Variants in C8orf34 observed in about 807,000 individuals in gnomAD.
C8orf34 encodes chromosome 8 open reading frame 34.
In C8orf34, 65 loss-of-function variants were observed where a neutral mutation model predicts 68.3. The observed-to-expected ratio is 0.95, with a 90% confidence interval of 0.78 to 1.17. The LOEUF is 1.17. C8orf34 is among the 50% of genes most tolerant of loss of function. The pLI is 0.00. For missense variants in C8orf34, 664 were observed against 655.4 expected, an observed-to-expected ratio of 1.01 and a Z score of -0.14; for synonymous variants, 244 against 241.2, an observed-to-expected ratio of 1.01 and a Z score of -0.11.
At chr8:68,752,448 T>A (rs886713047) in intron 10 of C8orf34, among the ~76,000 whole-genome samples, 3 of 152,106 alleles carry the variant, frequency 2.0e-5, no homozygotes, top group Non-Finnish European at 4.4e-5. Flanking sequence ...TTCCCCAACT[T>A]TATACAATGA....
At chr8:68,455,687 A>G (rs2129628049) in intron 3 of C8orf34, among the ~76,000 whole-genome samples, 1 of 152,170 alleles carries the variant, frequency 6.6e-6, no homozygotes, top group East Asian at 1.9e-4. Context: ...TAAAAAAACT[A>G]TTGACTCAAT....
At chr8:68,432,572 T>C (rs1392082421) in intron 1 of C8orf34, among the ~76,000 whole-genome samples, 4 of 152,166 alleles carry the variant, frequency 2.6e-5, no homozygotes, top group African/African-American at 7.2e-5. Flanking sequence ...CCTCCAGTAG[T>C]GCTCAATAAA....
chr8:68,347,087 A>T (rs1483133159), intron 1 of C8orf34, among the ~76,000 whole-genome samples: 1 of 151,982 alleles, frequency 6.6e-6, no homozygotes, highest in Non-Finnish European at 1.5e-5. Context: ...CCCAACAGTT[A>T]TCATTTCTGC....
At position 68,466,765 on chromosome 8, in the gene C8orf34, A is replaced by ATATATATATATATATATATATATATATG. The variant is rs1242128072; in HGVS notation, c.608-1927_608-1926insTATATATATATATATATATATATATATG. ...TATATATATATATATATATATATAT[A>ATATATATATATATATATATATATATATG]GATGCTTTCATTTCTTTATGATGAC... On this transcript the variant is annotated intron_variant, in intron 3 of 13. Transcript: ENST00000518698. Among the ~76,000 whole-genome samples the ATATATATATATATATATATATATATATG allele has an allele frequency of 1.2e-3, 152 of 123,272 alleles. 8 individuals are homozygous for ATATATATATATATATATATATATATATG. The highest frequency in any genetic ancestry group is 1.9e-3 in the African/African-American group (60 of 32,066). 80.9% of individuals were successfully genotyped at this position (123,272 alleles called of 152,430 possible).
At chr8:68,373,516 G>A (rs1485425015) in intron 1 of C8orf34, among the ~76,000 whole-genome samples, 1 of 152,148 alleles carries the variant, frequency 6.6e-6, no homozygotes, top group African/African-American at 2.4e-5. Flanking sequence ...TGTATGTAGA[G>A]CCTCATATTT....
chr8:68,795,483 G>A (rs1031545928), intron 12 of C8orf34, among the ~76,000 whole-genome samples: 24 of 152,274 alleles, frequency 1.6e-4, no homozygotes, highest in Admixed American at 4.6e-4. Flanking sequence ...TATTGCTGCT[G>A]TTTGTTTTGC....
intron 12 of C8orf34, among the ~76,000 whole-genome samples, chr8:68,801,654 T>C (rs1183801185): frequency 2.7e-5 from 4 of 150,170 alleles, no homozygotes; most frequent in African/African-American, 9.7e-5. Context: ...ATATACTCTA[T>C]AGTGTTGATA....
intron 6 of C8orf34, among the ~76,000 whole-genome samples, chr8:68,532,471 C>T (rs529221189): frequency 2.6e-5 from 4 of 152,030 alleles, no homozygotes; most frequent in African/African-American, 7.2e-5. Context: ...CTCAAAAGCA[C>T]TATAAATAAA....
At chr8:68,496,986 A>G (rs1187358875) in intron 5 of C8orf34, among the ~76,000 whole-genome samples, 1 of 152,186 alleles carries the variant, frequency 6.6e-6, no homozygotes, top group South Asian at 2.1e-4. Flanking sequence ...TAATACTAAG[A>G]AAGATAGCCA....
At chr8:68,541,196 C>G (rs944713467) in intron 7 of C8orf34, among the ~76,000 whole-genome samples, 1 of 152,098 alleles carries the variant, frequency 6.6e-6, no homozygotes, top group Admixed American at 6.5e-5. Flanking sequence ...GGCATGCTGG[C>G]TCACACCTGT....
intron 1 of C8orf34, among the ~76,000 whole-genome samples, chr8:68,376,523 G>C (rs533724071): frequency 6.6e-6 from 1 of 152,030 alleles, no homozygotes; most frequent in Non-Finnish European, 1.5e-5. Flanking sequence ...GTCGGACCCA[G>C]ATAATCCGAA....
At chr8:68,344,378 T>A (rs1377667507) in intron 1 of C8orf34, among the ~76,000 whole-genome samples, 1 of 152,204 alleles carries the variant, frequency 6.6e-6, no homozygotes, top group Non-Finnish European at 1.5e-5. Context: ...TATTTGTGAT[T>A]TCTGGGTGTC....
intron 7 of C8orf34, among the ~76,000 whole-genome samples, chr8:68,580,240 T>C (rs186522444): frequency 6.6e-6 from 1 of 152,104 alleles, no homozygotes; most frequent in East Asian, 1.9e-4. Flanking sequence ...TTAAGGGGTA[T>C]ACATTTTTAA....
intron 10 of C8orf34, among the ~76,000 whole-genome samples, chr8:68,764,093 G>C (rs1050933579): frequency 1.3e-5 from 2 of 152,172 alleles, no homozygotes; most frequent in Non-Finnish European, 2.9e-5. Flanking sequence ...CTGTTTTGGG[G>C]ATATGTGGAC....
At chr8:68,528,182 T>C (rs1307954286) in intron 6 of C8orf34, among the ~76,000 whole-genome samples, 2 of 152,178 alleles carry the variant, frequency 1.3e-5, no homozygotes, top group East Asian at 3.9e-4. Flanking sequence ...TCCCCAAACC[T>C]GGCCTCTCAC....
In C8orf34 at chr8:68,369,896, T is replaced by G. The variant is rs75794630; in HGVS notation, c.327+38557T>G. On this transcript the variant is annotated intron_variant, in intron 1 of 13. Coordinates refer to ENST00000518698, the MANE Select transcript of C8orf34 (RefSeq NM_052958.4). ...GGTTGAGCACTAGAGCAGCATGTGC[T>G]GAGCTGTACTGCCTGCAGAGTCTTC... Among the ~76,000 whole-genome samples the G allele has an allele frequency of 6.7e-3, 1,018 of 152,328 alleles. 39 individuals are homozygous for G. The East Asian group carries it at 0.1, about 15-fold the overall frequency.
chr8:68,531,324 A>G (rs1815235804), intron 6 of C8orf34, among the ~76,000 whole-genome samples: 1 of 152,110 alleles, frequency 6.6e-6, no homozygotes, highest in African/African-American at 2.4e-5. Flanking sequence ...ATAAAAGATC[A>G]TGTGTGGAAT....
intron 1 of C8orf34, among the ~76,000 whole-genome samples, chr8:68,421,378 C>G (rs1809963573): frequency 6.6e-6 from 1 of 152,126 alleles, no homozygotes; most frequent in Non-Finnish European, 1.5e-5. Context: ...CTGGAACTAC[C>G]AACAGGTATA....
At chr8:68,577,317 TG>T (rs1291676192) in intron 7 of C8orf34, among the ~76,000 whole-genome samples, 3 of 152,012 alleles carry the variant, frequency 2.0e-5, no homozygotes, top group Non-Finnish European at 4.4e-5. Flanking sequence ...TTAATTTAAG[TG>T]ATTTAGACAT....
Sources: allele counts gnomAD v4.1 joint callset (sites outside exome capture counted in the v4.1 genomes callset), GRCh38; gene constraint gnomAD v4.1.1; transcripts MANE v1.5; gene names NCBI Gene and HGNC (gene_info 2026-07-23, HGNC 2026-07-21).